The following TTC4 variants were observed in gnomAD, a reference collection of about 807,000 sequenced individuals.
TTC4 encodes the protein tetratricopeptide repeat domain 4.
In TTC4, 36 loss-of-function variants were observed where a neutral mutation model predicts 51.9. The ratio of observed to expected loss-of-function variants is 0.69; its 90% CI spans 0.53 to 0.92. The LOEUF is 0.92. TTC4 is among the 40% of genes least tolerant of loss of function. The probability of loss-of-function intolerance (pLI) is 0.00; values close to 1 mark genes in which losing one functional copy is unlikely to be tolerated. For synonymous variants in TTC4, 144 were observed against 164.2 expected, an observed-to-expected ratio of 0.88 and a Z score of 0.94; for missense variants, 399 against 454.6, an observed-to-expected ratio of 0.88 and a Z score of 1.11.
intron 8 of TTC4, among the ~76,000 whole-genome samples, chr1:54,734,751 A>G (rs1174247990): frequency 3.3e-5 from 5 of 152,218 alleles, no homozygotes; most frequent in Non-Finnish European, 5.9e-5. Flanking sequence ...TAAATAAAAA[A>G]TCACAATATC....
chr1:54,728,927 G>C (rs1016317823), intron 6 of TTC4, among the ~76,000 whole-genome samples: 6 of 151,974 alleles, frequency 3.9e-5, no homozygotes, highest in African/African-American at 1.2e-4. Context: ...TCTTACCATA[G>C]ATCTTAGCAA....
In TTC4 at chr1:54,717,612, C is replaced by G; in HGVS notation, c.350C>G (p.Ala117Gly). The G allele has an allele frequency of 6.2e-7, 1 of 1,611,048 alleles. No individual in the cohort carries two copies. The highest frequency in any genetic ancestry group is 8.5e-7 in the Non-Finnish European group (1 of 1,178,930). ...AAATGTGCAGATCCTGATTTGAATG[C>G]TGTCCTTTATACCAACCGGGCAGCA... ...KKKCADPDLN[A>G]VLYTNRAAAQ... Residue 117 changes from alanine (A) to glycine (G), a missense_variant, in exon 3 of 10, where the codon GCT becomes GGT. Transcript: ENST00000371281.
chr1:54,729,087 C>T (rs189780998), intron 6 of TTC4, among the ~76,000 whole-genome samples: 1 of 152,116 alleles, frequency 6.6e-6, no homozygotes, highest in African/African-American at 2.4e-5. Flanking sequence ...ATGAGTGTTA[C>T]TTAATACAGG....
chr1:54,719,843 C>T (rs1645721801), intron 3 of TTC4, among the ~76,000 whole-genome samples: 1 of 151,342 alleles, frequency 6.6e-6, no homozygotes, highest in Non-Finnish European at 1.5e-5. Context: ...CAAACTAGGA[C>T]TCAGAGTCCA....
At chr1:54,717,729 T>A in intron 3 of TTC4, 76 bp downstream of exon 3, 1 of 1,325,080 alleles carries the variant, frequency 7.5e-7, no homozygotes, top group Non-Finnish European at 9.9e-7. Flanking sequence ...TTTGAGAACA[T>A]CAGAGGATGA....
chr1:54,719,898 T>G (rs1030451096), intron 3 of TTC4, among the ~76,000 whole-genome samples: 10 of 142,154 alleles, frequency 7.0e-5, no homozygotes, highest in Non-Finnish European at 1.2e-4. Context: ...GTTCCATACT[T>G]TTTTTTTTTT....
intron 6 of TTC4, among the ~76,000 whole-genome samples, chr1:54,729,724 T>TA (rs1645842057): frequency 6.9e-6 from 1 of 144,912 alleles, no homozygotes; most frequent in South Asian, 2.3e-4. Context: ...GATTATGGGA[T>TA]AGGTTTTTTT....
At chr1:54,721,110 G>C in intron 3 of TTC4, 53 bp from the exon 4 acceptor site, 1 of 1,555,612 alleles carries the variant, frequency 6.4e-7, no homozygotes, top group Admixed American at 1.7e-5. Flanking sequence ...ATAAAATTTT[G>C]GAAACATTTT....
intron 6 of TTC4, among the ~76,000 whole-genome samples, chr1:54,730,665 C>T (rs2101339572): frequency 6.6e-6 from 1 of 152,284 alleles, no homozygotes; most frequent in South Asian, 2.1e-4. Context: ...TGCACACTTA[C>T]ATAAGAGGTG....
chr1:54,739,188 A>T (rs770400248), intron 9 of TTC4, among the ~76,000 whole-genome samples: 20 of 151,690 alleles, frequency 1.3e-4, no homozygotes, highest in African/African-American at 2.7e-4. Context: ...ATTTTTTTTT[A>T]AATTATTTTT....
intron 1 of TTC4, 100 bp downstream of exon 1, chr1:54,716,119 G>T: frequency 1.1e-6 from 1 of 941,640 alleles, no homozygotes; most frequent in Non-Finnish European, 1.6e-6. Flanking sequence ...GATCCCTGGC[G>T]CTGCCAGCCG....
chr1:54,722,672 C>G lies in TTC4; in HGVS notation c.470-3C>G. 2 of 1,613,480 alleles carry G rather than the reference C, an allele frequency of 1.2e-6. No homozygotes were observed. The highest frequency in any genetic ancestry group is 1.7e-6 in the Non-Finnish European group (2 of 1,179,760). On this transcript the variant is annotated splice_region_variant and splice_polypyrimidine_tract_variant and intron_variant, in intron 4 of 9. Coordinates refer to ENST00000371281, the MANE Select transcript of TTC4 (RefSeq NM_004623.5). The stretch of plus-strand genomic sequence containing the variant: ...TGAATCCTAAGGGTTCTGGGTTCTG[C>G]AGGTGCCTTATGCCATCTGGAACTG...
intron 3 of TTC4, 126 bp from the exon 4 acceptor site, chr1:54,721,037 A>G: frequency 1.1e-6 from 1 of 878,504 alleles, no homozygotes; most frequent in Admixed American, 2.6e-5. Context: ...TATTTTTTCA[A>G]AAAAACAGTT....
intron 4 of TTC4, 41 bp downstream of exon 4, chr1:54,721,281 A>C (rs752970015): frequency 6.3e-7 from 1 of 1,596,004 alleles, no homozygotes; most frequent in Admixed American, 1.7e-5. Context: ...TAAAGCTTTG[A>C]TATGAAGGTG....
chr1:54,719,654 T>A (rs1404579443), intron 3 of TTC4, among the ~76,000 whole-genome samples: 1 of 152,258 alleles, frequency 6.6e-6, no homozygotes, highest in Non-Finnish European at 1.5e-5. Context: ...CTGAATGTTA[T>A]TTCAATAGCT....
At chr1:54,737,452 C>A in intron 8 of TTC4, 130 bp from the exon 9 acceptor site, 2 of 709,384 alleles carry the variant, frequency 2.8e-6, no homozygotes, top group Non-Finnish European at 4.6e-6. Flanking sequence ...AAGCACCCAG[C>A]TACACAACCA....
chr1:54,741,305 T>G (rs1016936628), intron 9 of TTC4, 106 bp from the exon 10 acceptor site: 16 of 945,460 alleles, frequency 1.7e-5, no homozygotes, highest in Non-Finnish European at 5.2e-6. Context: ...TGCATTTTCA[T>G]GTTGACTCCC....
chr1:54,728,313 T>C (rs765240036), intron 5 of TTC4, 33 bp from the exon 6 acceptor site: 1 of 1,595,482 alleles, frequency 6.3e-7, no homozygotes, highest in Non-Finnish European at 8.6e-7. Context: ...AAGCCAGGTC[T>C]CTAGAGCTGA....
rs534615014 is a variant in TTC4 at position 54,717,583 on chromosome 1, G to C, written c.321G>C (p.Lys107Asn). The stretch of plus-strand genomic sequence containing the variant: ...TAATTTCATACACTGAAGGCTTAAA[G>C]AAGAAATGTGCAGATCCTGATTTGA... ...KAVISYTEGL[K>N]KKCADPDLNA... The change falls in exon 3 of 10, where the codon AAG (lysine) becomes AAC (asparagine). Residue 107 changes from lysine (K) to asparagine (N), a missense_variant. By Grantham distance (94) the Lys-to-Asn change is moderately conservative. This residue lies in a region of TTC4 where 316 missense variants were observed against 349.6 expected (regional missense o/e 0.90). Coordinates refer to ENST00000371281, the MANE Select transcript of TTC4 (RefSeq NM_004623.5). 1.2e-6 allele frequency: 2 copies of C among 1,612,264 alleles called. No homozygotes were observed. Among genetic ancestry groups the C allele is most frequent in the South Asian group, 2.2e-5 (2 of 90,484 alleles).
Sources: allele counts gnomAD v4.1 joint callset (sites outside exome capture counted in the v4.1 genomes callset), GRCh38; gene constraint gnomAD v4.1.1; regional missense constraint gnomAD v4.1.1; transcripts MANE v1.5; gene names NCBI Gene and HGNC (gene_info 2026-07-23, HGNC 2026-07-21).